STARD13: variants seen among roughly 807,000 people sequenced by gnomAD.
STARD13 encodes StAR related lipid transfer domain containing 13.
A neutral mutation model predicts 106.4 loss-of-function variants in STARD13; 62 were observed. That is an observed-to-expected ratio of 0.58 (90% CI 0.48 to 0.72). The LOEUF is 0.72. Among genes scored for constraint, STARD13 ranks in the 30% least tolerant of loss-of-function variants. The pLI, the probability that STARD13 is intolerant of heterozygous loss-of-function variation, is 0.00. For synonymous variants in STARD13, 565 were observed against 553.0 expected (o/e 1.02, Z -0.31); for missense variants, 1,387 against 1,424.0 (o/e 0.97, Z 0.42).
the STARD13 span, among the ~76,000 whole-genome samples, chr13:33,429,938 G>T: frequency 1.3e-5 from 2 of 148,594 alleles, no homozygotes; most frequent in African/African-American, 2.6e-5. Flanking sequence ...GGGGGGGGGG[G>T]ACGGAGTCTC....
At chr13:33,117,157 G>A (rs1001956589) in intron 8 of STARD13, among the ~76,000 whole-genome samples, 1 of 152,056 alleles carries the variant, frequency 6.6e-6, no homozygotes, top group Non-Finnish European at 1.5e-5. Context: ...CACCCAGGCC[G>A]GAGTGCAGTG....
intron 3 of STARD13, among the ~76,000 whole-genome samples, chr13:33,162,301 T>C (rs2138341181): frequency 6.6e-6 from 1 of 152,346 alleles, no homozygotes; most frequent in Non-Finnish European, 1.5e-5. Context: ...AACCAGTTTT[T>C]CCTCCTAGAC....
At chr13:33,547,373 T>C in the STARD13 span, among the ~76,000 whole-genome samples, 1 of 152,260 alleles carries the variant, frequency 6.6e-6, no homozygotes, top group African/African-American at 2.4e-5. Context: ...TACAAAATTT[T>C]ACATATGTGT....
intron 3 of STARD13, among the ~76,000 whole-genome samples, chr13:33,153,627 A>G (rs1881582872): frequency 6.6e-6 from 1 of 152,166 alleles, no homozygotes; most frequent in Non-Finnish European, 1.5e-5. Flanking sequence ...TGTATAGGAA[A>G]ACAATAGGAC....
chr13:33,340,666 A>C (rs1372603501), intron 1 of STARD13, among the ~76,000 whole-genome samples: 1 of 152,258 alleles, frequency 6.6e-6, no homozygotes, highest in East Asian at 1.9e-4. Flanking sequence ...TGTACAAAAA[A>C]CCAGAAACAT....
chr13:33,171,961 G>A (rs756481928), intron 1 of STARD13, among the ~76,000 whole-genome samples: 3 of 152,206 alleles, frequency 2.0e-5, no homozygotes, highest in Non-Finnish European at 2.9e-5. Flanking sequence ...CCATGGGCAT[G>A]AGAACAAAGG....
intron 5 of STARD13, among the ~76,000 whole-genome samples, 175 bp downstream of exon 5, chr13:33,128,754 C>A (rs1877641161): frequency 6.6e-6 from 1 of 152,172 alleles, no homozygotes; most frequent in Non-Finnish European, 1.5e-5. Context: ...GATTCAATCA[C>A]CATGATACCT....
intron 3 of STARD13, among the ~76,000 whole-genome samples, chr13:33,163,638 T>TATAA (rs1882937006): frequency 9.2e-6 from 1 of 108,146 alleles, no homozygotes; most frequent in African/African-American, 4.8e-5. Context: ...CATATATATA[T>TATAA]AACATATATA....
intron 1 of STARD13, among the ~76,000 whole-genome samples, chr13:33,276,440 T>C (rs1292082593): frequency 6.6e-6 from 1 of 152,206 alleles, no homozygotes. Flanking sequence ...CGTTGGAATA[T>C]CATTAACGCA....
chr13:33,283,163 A>G (rs1415652969), intron 1 of STARD13, among the ~76,000 whole-genome samples: 1 of 152,250 alleles, frequency 6.6e-6, no homozygotes, highest in African/African-American at 2.4e-5. Context: ...AGGAAATTTC[A>G]TAATGAGTGA....
At chr13:33,399,700 C>CAAA in the STARD13 span, among the ~76,000 whole-genome samples, 109 of 26,938 alleles carry the variant, frequency 4.0e-3, 3 homozygotes, top group East Asian at 0.015. Flanking sequence ...GACTCTGTCT[C>CAAA]AAAAAAAAAA....
the STARD13 span, among the ~76,000 whole-genome samples, chr13:33,519,552 T>A: frequency 6.6e-6 from 1 of 151,940 alleles, no homozygotes; most frequent in Non-Finnish European, 1.5e-5. Flanking sequence ...AACTTGCCCA[T>A]GCTGCATTTA....
the STARD13 span, among the ~76,000 whole-genome samples, chr13:33,463,795 C>T: frequency 1.3e-5 from 2 of 152,008 alleles, no homozygotes; most frequent in South Asian, 2.1e-4. Context: ...GGGTAGATCA[C>T]GAGGTCACGA....
chr13:33,292,599 T>TC (rs1892336889), intron 1 of STARD13, among the ~76,000 whole-genome samples: 1 of 118,532 alleles, frequency 8.4e-6, no homozygotes, highest in South Asian at 3.2e-4. Flanking sequence ...AGACCCCATT[T>TC]CAAAAAAAAA....
At chr13:33,614,885 G>A in the STARD13 span, among the ~76,000 whole-genome samples, 4 of 152,128 alleles carry the variant, frequency 2.6e-5, no homozygotes, top group Non-Finnish European at 4.4e-5. Flanking sequence ...GGCAGGCACC[G>A]ATCACATGGG....
the STARD13 span, among the ~76,000 whole-genome samples, chr13:33,463,657 G>A: frequency 6.6e-6 from 1 of 152,166 alleles, no homozygotes; most frequent in Non-Finnish European, 1.5e-5. Context: ...GAGGTCTGGA[G>A]TGTGCTAACC....
At chr13:33,114,988 G>A (rs1875155093) in intron 8 of STARD13, among the ~76,000 whole-genome samples, 3 of 151,950 alleles carry the variant, frequency 2.0e-5, no homozygotes, top group Non-Finnish European at 4.4e-5. Context: ...TTCTAAGTGT[G>A]GATAATTTGC....
At position 33,185,955 on chromosome 13, in the gene STARD13, C is replaced by T. The variant is rs199971162; in HGVS notation, c.170-18333G>A. 70 of 1,614,076 alleles carry T rather than the reference C, an allele frequency of 4.3e-5. No homozygotes were observed. In the East Asian group the frequency reaches 4.9e-4, roughly 11 times the overall value. On this transcript the variant is annotated intron_variant, in intron 1 of 13. Coordinates refer to ENST00000336934, the MANE Select transcript of STARD13 (RefSeq NM_178006.4). ...AGTGTCTTTGCATTCTCTGCACCAGCGCAGCACCAAGCACCACAAAGGGGC... is the reference window on the plus strand; with the variant it reads ...AGTGTCTTTGCATTCTCTGCACCAGTGCAGCACCAAGCACCACAAAGGGGC...
chr13:33,505,879 A>G, the STARD13 span, among the ~76,000 whole-genome samples: 7 of 152,164 alleles, frequency 4.6e-5, no homozygotes, highest in Non-Finnish European at 7.4e-5. Flanking sequence ...GGCATCTCTG[A>G]GACCCTTCCT....
Sources: gnomAD v4.1 joint callset for allele counts (sites outside exome capture counted in the v4.1 genomes callset) on GRCh38, gnomAD v4.1.1 for gene constraint, MANE v1.5 for transcripts, NCBI Gene and HGNC (gene_info 2026-07-23, HGNC 2026-07-21) for gene names.